Variants in ACP7 observed in about 807,000 individuals in gnomAD.
The protein encoded by ACP7 is acid phosphatase type 7.
In ACP7, 58 loss-of-function variants were observed where a neutral mutation model predicts 60.6. The observed-to-expected ratio is 0.96, with a 90% CI of 0.77 to 1.19. The LOEUF (loss-of-function observed/expected upper bound fraction) is 1.19, where lower values mean the gene tolerates loss of function less well. Among genes scored for constraint, ACP7 ranks in the 50% most tolerant of loss-of-function variants. ACP7 has a pLI of 0.00. For missense variants in ACP7, 574 were observed against 596.2 expected (o/e 0.96, Z 0.39); for synonymous variants, 237 against 232.6 (o/e 1.02, Z -0.17).
chr19:39,107,169 G>A lies in ACP7; in HGVS notation c.1251+85G>A, dbSNP rs547539955. 2.3e-5 allele frequency: 31 copies of A among 1,363,734 alleles called. No homozygotes were observed. The African/African-American group carries it at 3.4e-4, about 15-fold the overall frequency. 84.5% of individuals were successfully genotyped at this position (1,363,734 alleles called of 1,614,324 possible). ...AGCTGTTAAAAACGTGGGCTCGGCCGGGCGCAGTGGCTCATGCCTGCAACA... is the reference window on the plus strand; with the variant it reads ...AGCTGTTAAAAACGTGGGCTCGGCCAGGCGCAGTGGCTCATGCCTGCAACA... On this transcript the variant is annotated intron_variant, in intron 12 of 12. Coordinates refer to ENST00000331256, the MANE Select transcript of ACP7 (RefSeq NM_001004318.3).
At position 39,099,087 on chromosome 19, in the gene ACP7, C is replaced by A. The variant is rs746678064; in HGVS notation, c.450C>A (p.Val150=). ...TGGGGGCTGACAACCCGAAGGCCGT[C>A]CCCCGGCTGCGCAGGGACACCCAGC... is the stretch of plus-strand genomic sequence containing the variant. The part of the protein sequence containing the change: ...GDLGADNPKA[V]PRLRRDTQQG... The change falls in exon 4 of 13, where the codon GTC becomes GTA. Residue 150 remains valine, a synonymous_variant. Transcript: ENST00000331256. The A allele has an allele frequency of 1.9e-6, 3 of 1,601,840 alleles. No individual in the cohort carries two copies. In the African/African-American group the frequency reaches 4.0e-5, roughly 22 times the overall value.
rs1199865669 is a variant in ACP7, at chr19:39,110,299, G to A, written c.*181G>A. On this transcript the variant is annotated 3_prime_UTR_variant, in exon 13 of 13. Coordinates refer to ENST00000331256, the MANE Select transcript of ACP7 (RefSeq NM_001004318.3). Reference sequence around the variant, plus strand: ...CAGCTGTTCCCTCCTGGAGAGGTGGGAGTCCTGGCTGGCTGTGGAGGGAGG... The same window carrying A: ...CAGCTGTTCCCTCCTGGAGAGGTGGAAGTCCTGGCTGGCTGTGGAGGGAGG... The A allele has an allele frequency of 6.5e-6, 4 of 620,044 alleles. No individual in the cohort carries two copies. The highest frequency in any genetic ancestry group is 1.1e-5 in the Non-Finnish European group (4 of 354,956). The allele number at this position is 620,044 out of a possible 1,614,324, so 38.4% of individuals were successfully genotyped here. A position where few individuals can be genotyped will look rare whatever the true frequency, so the allele number is the denominator to read the frequency against.
chr19:39,100,614 C>T lies in ACP7; in HGVS notation c.664C>T (p.Pro222Ser). The part of the protein sequence containing the change: ...FSNYKARFSM[P>S]GDNEGLWYSW... ...TAACTACAAGGCTCGCTTCAGCATGCCGGGGGATAATGAGGGCCTGTGGTA... is the reference window on the plus strand; with the variant it reads ...TAACTACAAGGCTCGCTTCAGCATGTCGGGGGATAATGAGGGCCTGTGGTA... The change falls in exon 6 of 13, where the codon CCG becomes TCG. Residue 222 changes from proline (P) to serine (S), a missense_variant. Coordinates refer to ENST00000331256, the MANE Select transcript of ACP7 (RefSeq NM_001004318.3). 6.2e-7 allele frequency: 1 copy of T among 1,614,048 alleles called. No individual in the cohort carries two copies. Among genetic ancestry groups the T allele is most frequent in the Non-Finnish European group, 8.5e-7 (1 of 1,179,990 alleles).
intron 2 of ACP7, among the ~76,000 whole-genome samples, chr19:39,093,554 A>G (rs1485272068): frequency 6.6e-6 from 1 of 151,156 alleles, no homozygotes; most frequent in East Asian, 2.0e-4. Context: ...GCGCCCAGCT[A>G]ATTTTTGCAT....
chr19:39,096,532 C>T (rs2073267807), intron 2 of ACP7, among the ~76,000 whole-genome samples: 1 of 152,162 alleles, frequency 6.6e-6, no homozygotes, highest in African/African-American at 2.4e-5. Flanking sequence ...CCAAATTTTC[C>T]CACATTTTCC....
At position 39,101,543 on chromosome 19, in the gene ACP7, C is replaced by G; in HGVS notation, c.1113+6C>G. On this transcript the variant is annotated splice_donor_region_variant and intron_variant, in intron 11 of 12. Coordinates refer to ENST00000331256, the MANE Select transcript of ACP7 (RefSeq NM_001004318.3). ...ACATCATCACAGGATCTGCTGTGAGCAGGGGGAAGGGTGGCTTTGCCTTCT... is the reference window on the plus strand; with the variant it reads ...ACATCATCACAGGATCTGCTGTGAGGAGGGGGAAGGGTGGCTTTGCCTTCT... 1.2e-6 allele frequency: 2 copies of G among 1,613,122 alleles called. No homozygotes were observed. The highest frequency in any genetic ancestry group is 1.7e-6 in the Non-Finnish European group (2 of 1,179,430).
chr19:39,100,745 T>G lies in ACP7; in HGVS notation c.699T>G (p.Asp233Glu), dbSNP rs768185593. 6.2e-7 allele frequency: 1 copy of G among 1,613,988 alleles called. No homozygotes were observed. Among genetic ancestry groups the G allele is most frequent in the Non-Finnish European group, 8.5e-7 (1 of 1,179,964 alleles). Residue 233 changes from aspartate to glutamate, a missense_variant, in exon 7 of 13, where the codon GAT (aspartate) becomes GAG (glutamate). Transcript: ENST00000331256. ...TGCCCTTTGACTCCTCCAGCTGGGA[T>G]CTGGGTCCCGCCCACATCATCTCCT... ...GDNEGLWYSW[D>E]LGPAHIISFS...
chr19:39,107,063 C>T lies in ACP7; in HGVS notation c.1230C>T (p.Ile410=), dbSNP rs948278389. The change falls in exon 12 of 13, where the codon ATC becomes ATT. Residue 410 remains isoleucine, a synonymous_variant. Transcript: ENST00000331256. Reference sequence around the variant, plus strand: ...TCCTCAACGGGACCCACATCCACATCCAGCAGGTGTCGGACGACCAGGTCA... The same window carrying T: ...TCCTCAACGGGACCCACATCCACATTCAGCAGGTGTCGGACGACCAGGTCA... ...LHILNGTHIH[I]QQVSDDQDGK... is the part of the protein sequence containing the mutation. The T allele has an allele frequency of 3.1e-6, 5 of 1,614,010 alleles. No individual in the cohort carries two copies. The highest frequency in any genetic ancestry group is 3.4e-6 in the Non-Finnish European group (4 of 1,179,964).
At chr19:39,099,407 AGAGAAAGCTGGTTCC>A (rs2073313677) in intron 4 of ACP7, among the ~76,000 whole-genome samples, 2 of 152,162 alleles carry the variant, frequency 1.3e-5, no homozygotes, top group Non-Finnish European at 2.9e-5. Context: ...TTTTGATTAG[AGAGAAAGCTGGTTCC>A]GAGTTCGCAG....
At chr19:39,097,259 C>A (rs2073277061) in intron 2 of ACP7, among the ~76,000 whole-genome samples, 1 of 152,134 alleles carries the variant, frequency 6.6e-6, no homozygotes, top group South Asian at 2.1e-4. Context: ...ACTGGTCCCT[C>A]CCACAACACG....
chr19:39,093,140 A>C (rs573411798), intron 2 of ACP7, among the ~76,000 whole-genome samples: 1,242 of 35,138 alleles, frequency 0.035, 64 homozygotes, highest in African/African-American at 0.16. Context: ...TTCTTCCCTC[A>C]CTCCTTTCTT....
chr19:39,090,585 T>A (rs2073192821), intron 2 of ACP7, among the ~76,000 whole-genome samples: 1 of 151,936 alleles, frequency 6.6e-6, no homozygotes, highest in Non-Finnish European at 1.5e-5. Context: ...CGGGCTCAAG[T>A]GACCCTCATC....
Position 39,101,012 on chromosome 19 carries a change from T to A in ACP7, c.871T>A (p.Cys291Ser), listed in dbSNP as rs1275239141. The change falls in exon 8 of 13, where the codon TGC becomes AGC. Residue 291 changes from cysteine (C) to serine (S), a missense_variant. Transcript: ENST00000331256. ...CACTATGGGGCACCGGCCCATGTAC[T>A]GCTCCAACGCAGATCTGGACGACTG... Reference protein sequence around the residue: ...IITMGHRPMYCSNADLDDCTR... With the variant: ...IITMGHRPMYSSNADLDDCTR... 1 of 1,613,668 alleles carries A rather than the reference T, an allele frequency of 6.2e-7. No individual in the cohort carries two copies.
In ACP7 at chr19:39,085,157, T is replaced by G; in HGVS notation, c.-113T>G. 7.3e-7 allele frequency: 1 copy of G among 1,373,548 alleles called. No individual in the cohort carries two copies. Among genetic ancestry groups the G allele is most frequent in the Non-Finnish European group, 9.8e-7 (1 of 1,015,966 alleles). The allele number at this position is 1,373,548 out of a possible 1,614,324, so 85.1% of individuals were successfully genotyped here. On this transcript the variant is annotated 5_prime_UTR_variant, in exon 2 of 13. Transcript: ENST00000331256. ...CTGCCTCTGTTGTCCCCCAGAGCACTGCCTGATCATCCTCTGTTCCCCATC... is the reference window on the plus strand; with the variant it reads ...CTGCCTCTGTTGTCCCCCAGAGCACGGCCTGATCATCCTCTGTTCCCCATC...
intron 2 of ACP7, among the ~76,000 whole-genome samples, chr19:39,093,916 C>G (rs569815064): frequency 3.2e-4 from 49 of 152,208 alleles, no homozygotes; most frequent in Non-Finnish European, 6.9e-4. Context: ...GGAACTTGTC[C>G]TCATTCTTTT....
At chr19:39,100,703 C>A in intron 6 of ACP7, 36 bp from the exon 7 acceptor site, 5 of 1,611,562 alleles carry the variant, frequency 3.1e-6, no homozygotes, top group Non-Finnish European at 4.2e-6. Context: ...TGCAGGGGAG[C>A]CCTGGTCCCT....
rs2073467083 is a variant in ACP7 at position 39,111,198 on chromosome 19, T to A, written c.*1080T>A. ...ACTCACATCTGTAGTCCCAGCACTT[T>A]GGGAGGCCGAGGCGGGCAGATCACT... On this transcript the variant is annotated 3_prime_UTR_variant, in exon 13 of 13. Coordinates refer to ENST00000331256, the MANE Select transcript of ACP7 (RefSeq NM_001004318.3). 1 of 152,496 alleles carries A rather than the reference T, an allele frequency of 6.6e-6. No homozygotes were observed. Among genetic ancestry groups the A allele is most frequent in the Admixed American group, 6.5e-5 (1 of 15,286 alleles). 9.4% of individuals were successfully genotyped at this position (152,496 alleles called of 1,614,324 possible).
rs1445705859 is a variant in ACP7 at position 39,110,172 on chromosome 19, G to C, written c.*54G>C. 6.1e-5 allele frequency: 94 copies of C among 1,539,164 alleles called. No individual in the cohort carries two copies. Among genetic ancestry groups the C allele is most frequent in the Middle Eastern group, 5.1e-4 (3 of 5,910 alleles). On this transcript the variant is annotated 3_prime_UTR_variant, in exon 13 of 13. Transcript: ENST00000331256. ...TAGGTTTTGCCGCCTTGGCTGCTGT[G>C]ACCAGAAACTGCCCAGGCCTGGGTG...
Position 39,085,133 on chromosome 19 carries a change from TG to T in ACP7, c.-136del. The T allele has an allele frequency of 8.6e-7, 1 of 1,167,756 alleles. No homozygotes were observed. The highest frequency in any genetic ancestry group is 1.2e-6 in the Non-Finnish European group (1 of 843,290). 72.3% of individuals were successfully genotyped at this position (1,167,756 alleles called of 1,614,324 possible). A position where few individuals can be genotyped will look rare whatever the true frequency, so the allele number is the denominator to read the frequency against. On this transcript the variant is annotated 5_prime_UTR_variant, in exon 2 of 13. Coordinates refer to ENST00000331256, the MANE Select transcript of ACP7 (RefSeq NM_001004318.3). ...CATCTTGAAGGAGACCTCCCTGCCC[TG>T]CCTCTGTTGTCCCCCAGAGCACTGC...
Sources: gnomAD v4.1 joint callset for allele counts (sites outside exome capture counted in the v4.1 genomes callset) on GRCh38, gnomAD v4.1.1 for gene constraint, MANE v1.5 for transcripts, NCBI Gene and HGNC (gene_info 2026-07-23, HGNC 2026-07-21) for gene names.